Variants in AGBL4 observed in about 807,000 individuals in gnomAD.
AGBL4 encodes the protein cytosolic carboxypeptidase 6.
Under a neutral mutation model 66.4 loss-of-function variants are expected in AGBL4, and 58 were observed. The observed-to-expected ratio is 0.87, with a 90% CI of 0.71 to 1.09. The LOEUF (loss-of-function observed/expected upper bound fraction) is 1.09, where lower values mean the gene tolerates loss of function less well. Among genes scored for constraint, AGBL4 ranks in the 50% least tolerant of loss-of-function variants. The pLI, the probability that AGBL4 is intolerant of heterozygous loss-of-function variation, is 0.00. For missense variants in AGBL4, 579 were observed against 631.0 expected (o/e 0.92, Z 0.88); for synonymous variants, 234 against 222.9 (o/e 1.05, Z -0.44).
chr1:49,567,447 C>T (rs1203308343), intron 3 of AGBL4, among the ~76,000 whole-genome samples: 1 of 152,108 alleles, frequency 6.6e-6, no homozygotes, highest in Non-Finnish European at 1.5e-5. Flanking sequence ...TGGCTCCACC[C>T]TATTTTTTGC....
intron 1 of AGBL4, among the ~76,000 whole-genome samples, chr1:49,879,270 T>A (rs1363030098): frequency 6.6e-6 from 1 of 151,176 alleles, no homozygotes; most frequent in Non-Finnish European, 1.5e-5. Flanking sequence ...GGTCTTTACA[T>A]TTTGGCATGA....
chr1:49,913,881 T>C (rs1651115574), intron 1 of AGBL4, among the ~76,000 whole-genome samples: 1 of 152,088 alleles, frequency 6.6e-6, no homozygotes, highest in African/African-American at 2.4e-5. Flanking sequence ...AGAAGTAGAC[T>C]CTCAAGGAGG....
chr1:49,335,767 G>T (rs1472629337), intron 3 of AGBL4, among the ~76,000 whole-genome samples: 1 of 152,008 alleles, frequency 6.6e-6, no homozygotes, highest in Non-Finnish European at 1.5e-5. Context: ...CGCCCACCTT[G>T]GCCCCCCAAA....
At chr1:48,659,127 T>G (rs1451272780) in intron 7 of AGBL4, among the ~76,000 whole-genome samples, 1 of 152,170 alleles carries the variant, frequency 6.6e-6, no homozygotes, top group African/African-American at 2.4e-5. Flanking sequence ...CCTGGTGGAA[T>G]TCCTGTGGAA....
At chr1:49,849,832 G>A (rs932402996) in intron 2 of AGBL4, among the ~76,000 whole-genome samples, 1 of 152,104 alleles carries the variant, frequency 6.6e-6, no homozygotes, top group Non-Finnish European at 1.5e-5. Context: ...CTGAATTATT[G>A]CAGGCTGTAT....
intron 2 of AGBL4, among the ~76,000 whole-genome samples, chr1:49,757,513 T>C (rs1277673615): frequency 2.0e-5 from 3 of 152,150 alleles, no homozygotes; most frequent in Non-Finnish European, 2.9e-5. Context: ...CAGTAAGAAG[T>C]GGGAAAGTTT....
chr1:49,142,980 C>A (rs150003525), intron 4 of AGBL4, among the ~76,000 whole-genome samples: 8 of 152,170 alleles, frequency 5.3e-5, no homozygotes, highest in African/African-American at 1.9e-4. Flanking sequence ...TAAACAGAAT[C>A]TAGGTATTTT....
At chr1:48,782,860 C>G (rs867071391) in intron 6 of AGBL4, among the ~76,000 whole-genome samples, 5 of 152,158 alleles carry the variant, frequency 3.3e-5, no homozygotes, top group African/African-American at 4.8e-5. Context: ...CATGTATCCA[C>G]CATTATGGTA....
chr1:48,600,005 G>T (rs562554557), intron 9 of AGBL4, among the ~76,000 whole-genome samples: 1 of 152,106 alleles, frequency 6.6e-6, no homozygotes, highest in Non-Finnish European at 1.5e-5. Flanking sequence ...AAAGGAGACC[G>T]TGGAGTGGTC....
chr1:49,484,522 C>G (rs1194151876), intron 3 of AGBL4, among the ~76,000 whole-genome samples: 1 of 152,006 alleles, frequency 6.6e-6, no homozygotes. Flanking sequence ...TTCACATGTT[C>G]TCCCTTATTT....
chr1:48,719,983 A>G (rs76047489), intron 6 of AGBL4, among the ~76,000 whole-genome samples: 1,697 of 152,300 alleles, frequency 0.011, 37 homozygotes, highest in African/African-American at 0.039. Flanking sequence ...GAACAAGAGA[A>G]GAAGGCCTCA....
intron 9 of AGBL4, among the ~76,000 whole-genome samples, chr1:48,611,357 C>A (rs1033901715): frequency 6.6e-6 from 1 of 152,202 alleles, no homozygotes; most frequent in Non-Finnish European, 1.5e-5. Flanking sequence ...GGGTCATGGC[C>A]TGAGCCAATG....
At chr1:49,850,388 C>T (rs963949987) in intron 2 of AGBL4, among the ~76,000 whole-genome samples, 2 of 152,146 alleles carry the variant, frequency 1.3e-5, no homozygotes, top group Non-Finnish European at 2.9e-5. Context: ...CTGCTAATCT[C>T]AGACTTCTAA....
chr1:49,029,092 C>T (rs1416751639), intron 5 of AGBL4, among the ~76,000 whole-genome samples: 1 of 152,026 alleles, frequency 6.6e-6, no homozygotes, highest in African/African-American at 2.4e-5. Flanking sequence ...ATAAAAAGCT[C>T]CAAAGCTAAT....
chr1:48,684,529 A>G (rs374896280), intron 6 of AGBL4, among the ~76,000 whole-genome samples: 4 of 152,288 alleles, frequency 2.6e-5, no homozygotes, highest in African/African-American at 9.6e-5. Flanking sequence ...ATGAGGATCA[A>G]TTAGAGTTCA....
chr1:49,670,956 T>C (rs1222454125), intron 3 of AGBL4, among the ~76,000 whole-genome samples: 1 of 152,156 alleles, frequency 6.6e-6, no homozygotes. Flanking sequence ...AAACTACCAA[T>C]GGCATTCTTC....
chr1:49,678,946 G>C (rs1646636436), intron 3 of AGBL4, among the ~76,000 whole-genome samples: 1 of 152,012 alleles, frequency 6.6e-6, no homozygotes. Context: ...TTGTTAATGT[G>C]TGCTTAATGT....
chr1:48,683,901 T>C (rs908998462), intron 6 of AGBL4, among the ~76,000 whole-genome samples: 6 of 152,342 alleles, frequency 3.9e-5, no homozygotes, highest in Middle Eastern at 3.4e-3. Context: ...GCCTAAGTCA[T>C]CCTTCCAGTT....
At chr1:49,792,315 T>TA (rs1354259456) in intron 2 of AGBL4, among the ~76,000 whole-genome samples, 1 of 151,934 alleles carries the variant, frequency 6.6e-6, no homozygotes. Flanking sequence ...GAGAATATAT[T>TA]AAAAAAACAG....
Sources: allele counts gnomAD v4.1 joint callset (sites outside exome capture counted in the v4.1 genomes callset), GRCh38; gene constraint gnomAD v4.1.1; transcripts MANE v1.5; gene names NCBI Gene and HGNC (gene_info 2026-07-23, HGNC 2026-07-21).